RERGL: variants seen among roughly 807,000 people sequenced by gnomAD.
RERGL encodes the protein RERG like.
RERGL carries 22 observed loss-of-function variants against 24.7 expected under a neutral mutation model. That is an observed-to-expected ratio of 0.89 (90% CI 0.64 to 1.27). The LOEUF (loss-of-function observed/expected upper bound fraction) is 1.27, where lower values mean the gene tolerates loss of function less well. Ranked by LOEUF, RERGL falls within the 50% of genes most tolerant of loss-of-function variation. The pLI, the probability that RERGL is intolerant of heterozygous loss-of-function variation, is 0.00. For synonymous variants in RERGL, 76 were observed against 82.6 expected (o/e 0.92, Z 0.43); for missense variants, 259 against 235.3 (o/e 1.10, Z -0.66).
chr12:18,086,270 C>T (rs1160384593), intron 2 of RERGL, among the ~76,000 whole-genome samples: 2 of 152,052 alleles, frequency 1.3e-5, no homozygotes, highest in African/African-American at 4.8e-5. Context: ...GTGGATGGAA[C>T]ATCTGTGTTT....
intron 4 of RERGL, among the ~76,000 whole-genome samples, chr12:18,082,885 T>A (rs1947186803): frequency 6.6e-6 from 1 of 152,178 alleles, no homozygotes; most frequent in Admixed American, 6.5e-5. Context: ...TATCAGTATG[T>A]CTTCCTTGGT....
At position 18,081,051 on chromosome 12, in the gene RERGL, C is replaced by CT. The variant is rs1327991565; in HGVS notation, c.*139dup. ...GCAAACTACATATTTGAAAACACAG[C>CT]TGTGGTTCATACTCAATCATTTCAT... On this transcript the variant is annotated 3_prime_UTR_variant, in exon 5 of 5. Coordinates refer to ENST00000538724, the MANE Select transcript of RERGL (RefSeq NM_001286201.2). 1.4e-6 allele frequency: 1 copy of CT among 740,278 alleles called. No homozygotes were observed. The highest frequency in any genetic ancestry group is 2.1e-6 in the Non-Finnish European group (1 of 472,454). 45.9% of individuals were successfully genotyped at this position (740,278 alleles called of 1,614,324 possible).
Position 18,081,530 on chromosome 12 carries a change from A to T in RERGL, c.333-57T>A, listed in dbSNP as rs867675830. The T allele has an allele frequency of 4.3e-3, 4,943 of 1,140,074 alleles. 74 individuals are homozygous for T. In the African/African-American group the frequency reaches 0.067, roughly 15 times the overall value. 70.6% of individuals were successfully genotyped at this position (1,140,074 alleles called of 1,614,324 possible). A position where few individuals can be genotyped will look rare whatever the true frequency, so the allele number is the denominator to read the frequency against. ...TTGTTTTAACAACTCTTTTTTTTAA[A>T]AAAAAAAAAAAAACAGATTTATAAC... is the stretch of plus-strand genomic sequence containing the variant. On this transcript the variant is annotated intron_variant, in intron 4 of 4. Coordinates refer to ENST00000538724, the MANE Select transcript of RERGL (RefSeq NM_001286201.2).
At chr12:18,089,390 A>G (rs17469894) in intron 1 of RERGL, 87,902 of 1,352,194 alleles carry the variant, frequency 0.065, 3,262 homozygotes, top group Non-Finnish European at 0.074. Flanking sequence ...AGGGACCTAC[A>G]AATCCAGGAA....
At position 18,080,977 on chromosome 12, in the gene RERGL, T is replaced by G; in HGVS notation, c.*214A>C. 1 of 421,898 alleles carries G rather than the reference T, an allele frequency of 2.4e-6. No individual in the cohort carries two copies. The highest frequency in any genetic ancestry group is 3.5e-5 in the East Asian group (1 of 28,918). 26.1% of individuals were successfully genotyped at this position (421,898 alleles called of 1,614,324 possible). The stretch of plus-strand genomic sequence containing the variant: ...GGTGAGTGTGATGTTGTACAATAAA[T>G]GAAAGGTTCTGTGTGAAGGAGAGTG... On this transcript the variant is annotated 3_prime_UTR_variant, in exon 5 of 5. Coordinates refer to ENST00000538724, the MANE Select transcript of RERGL (RefSeq NM_001286201.2).
intron 4 of RERGL, among the ~76,000 whole-genome samples, chr12:18,081,919 T>A (rs868253962): frequency 6.6e-6 from 1 of 152,114 alleles, no homozygotes; most frequent in Non-Finnish European, 1.5e-5. Context: ...GGCGGGCAGA[T>A]CATGAGGTCA....
Position 18,084,554 on chromosome 12 carries a change from AG to A in RERGL, c.294del (p.Tyr99ThrfsTer64). ...RSSFAFAKAL[I>X]YRIREPQTSH... ...CTAGTTTGTGGCTCCCGGATTCTGT[AG>A]ATCAGCGCTTTTGCAAAAGCAAATG... On this transcript the variant is annotated frameshift_variant, in exon 4 of 5. Transcript: ENST00000538724. LOFTEE classifies it high-confidence loss of function. 1 of 1,610,316 alleles carries A rather than the reference AG, an allele frequency of 6.2e-7. No individual in the cohort carries two copies. The highest frequency in any genetic ancestry group is 8.5e-7 in the Non-Finnish European group (1 of 1,178,526).
chr12:18,087,554 G>T (rs1259498022), intron 2 of RERGL, among the ~76,000 whole-genome samples: 2 of 151,994 alleles, frequency 1.3e-5, no homozygotes, highest in East Asian at 1.9e-4. Flanking sequence ...AGTCATTTTT[G>T]CTAGTTTGCC....
chr12:18,085,706 G>T lies in RERGL; in HGVS notation c.110-13C>A. 2 of 1,469,044 alleles carry T rather than the reference G, an allele frequency of 1.4e-6. No individual in the cohort carries two copies. The highest frequency in any genetic ancestry group is 1.7e-4 in the Middle Eastern group (1 of 5,742). The allele number at this position is 1,469,044 out of a possible 1,614,324, so 91.0% of individuals were successfully genotyped here. A position where few individuals can be genotyped will look rare whatever the true frequency, so the allele number is the denominator to read the frequency against. ...TTATAGATAGATTCTGCAAAAATATGCATATCCACTGTCAGTATGAAAATA... is the reference window on the plus strand; with the variant it reads ...TTATAGATAGATTCTGCAAAAATATTCATATCCACTGTCAGTATGAAAATA... On this transcript the variant is annotated splice_polypyrimidine_tract_variant and intron_variant, in intron 2 of 4. Transcript: ENST00000538724.
At chr12:18,082,439 A>G (rs1947183266) in intron 4 of RERGL, among the ~76,000 whole-genome samples, 1 of 152,168 alleles carries the variant, frequency 6.6e-6, no homozygotes, top group East Asian at 1.9e-4. Flanking sequence ...TCCATGACAC[A>G]CGTTTACTTG....
chr12:18,081,226 T>C lies in RERGL; in HGVS notation c.580A>G (p.Asn194Asp), dbSNP rs1271453252. 19 of 1,608,406 alleles carry C rather than the reference T, an allele frequency of 1.2e-5. No homozygotes were observed. The highest frequency in any genetic ancestry group is 1.6e-5 in the Non-Finnish European group (19 of 1,177,980). ...SGSKSMAKLI[N>D]NVFGKRRKSV ...TTCCTTCTCTTTCCAAATACATTATTGATCAATTTGGCCATTGATTTAGAT... is the reference window on the plus strand; with the variant it reads ...TTCCTTCTCTTTCCAAATACATTATCGATCAATTTGGCCATTGATTTAGAT... The change falls in exon 5 of 5, where the codon AAT becomes GAT. Residue 194 changes from asparagine to aspartate, a missense_variant. Asn to Asp is a conservative substitution (Grantham distance 23, BLOSUM62 1). Transcript: ENST00000538724.
chr12:18,080,967 G>A lies in RERGL; in HGVS notation c.*224C>T. On this transcript the variant is annotated 3_prime_UTR_variant, in exon 5 of 5. Transcript: ENST00000538724. ...AGTAGGTTAGGGTGAGTGTGATGTT[G>A]TACAATAAATGAAAGGTTCTGTGTG... is the stretch of plus-strand genomic sequence containing the variant. 1 of 401,300 alleles carries A rather than the reference G, an allele frequency of 2.5e-6. No individual in the cohort carries two copies. Among genetic ancestry groups the A allele is most frequent in the African/African-American group, 2.0e-5 (1 of 50,500 alleles). 24.9% of individuals were successfully genotyped at this position (401,300 alleles called of 1,614,324 possible).
At chr12:18,086,087 A>C (rs1947219647) in intron 2 of RERGL, among the ~76,000 whole-genome samples, 1 of 143,222 alleles carries the variant, frequency 7.0e-6, no homozygotes. Context: ...GTTAGCCAGG[A>C]TGGTCTCAAT....
intron 3 of RERGL, among the ~76,000 whole-genome samples, chr12:18,085,133 T>C (rs1947207563): frequency 6.6e-6 from 1 of 152,196 alleles, no homozygotes; most frequent in South Asian, 2.1e-4. Context: ...CTCATACAGT[T>C]GTTTTGAAAC....
At chr12:18,085,786 T>C (rs1947213665) in intron 2 of RERGL, 93 bp from the exon 3 acceptor site, 2 of 683,804 alleles carry the variant, frequency 2.9e-6, no homozygotes, top group Admixed American at 2.8e-5. Flanking sequence ...AATCGTATTG[T>C]GCTCTTTTTA....
Position 18,081,425 on chromosome 12 carries a change from A to G in RERGL, c.381T>C (p.Cys127=). ...VFLVGNKRDL[C]HVREVGWEEG... ...CTTCCCAGCCAACCTCTCGCACATG[A>G]CAAAGATCTCGTTTGTTGCCAACCA... Residue 127 remains cysteine, a synonymous_variant, in exon 5 of 5, where the codon TGT becomes TGC. Transcript: ENST00000538724. 1 of 1,613,834 alleles carries G rather than the reference A, an allele frequency of 6.2e-7. No homozygotes were observed. The highest frequency in any genetic ancestry group is 8.5e-7 in the Non-Finnish European group (1 of 1,179,902).
rs139048829 is a variant in RERGL at position 18,084,977 on chromosome 12, T to G, written c.184-312A>C. ...GTCTTTTGAATAATATCCACATATTTGTTGTGAAAATATATCATTTATCTG... is the reference window on the plus strand; with the variant it reads ...GTCTTTTGAATAATATCCACATATTGGTTGTGAAAATATATCATTTATCTG... On this transcript the variant is annotated intron_variant, in intron 3 of 4. Transcript: ENST00000538724. Among the ~76,000 whole-genome samples the G allele has an allele frequency of 5.7e-3, 821 of 143,668 alleles. 25 individuals are homozygous for G. The highest frequency in any genetic ancestry group is 7.3e-3 in the East Asian group (34 of 4,644). The allele number at this position is 143,668 out of a possible 152,430, so 94.3% of individuals were successfully genotyped here. A position where few individuals can be genotyped will look rare whatever the true frequency, so the allele number is the denominator to read the frequency against.
chr12:18,089,953 C>T, intron 1 of RERGL, 136 bp downstream of exon 1: 1 of 574,678 alleles, frequency 1.7e-6, no homozygotes, highest in Non-Finnish European at 2.7e-6. Flanking sequence ...TGCCTATCAT[C>T]CCAGTGAGAT....
rs1947210615 is a variant in RERGL, at chr12:18,085,513, C to T, written c.183+107G>A. On this transcript the variant is annotated intron_variant, in intron 3 of 4. Coordinates refer to ENST00000538724, the MANE Select transcript of RERGL (RefSeq NM_001286201.2). ...TGAGAAGAAACTTCGGTTTTAACAC[C>T]GCAACTTTTCACTTTTTTCACTTAC... The T allele has an allele frequency of 1.2e-5, 9 of 727,688 alleles. No individual in the cohort carries two copies. The East Asian group carries it at 1.8e-4, about 14-fold the overall frequency. The allele number at this position is 727,688 out of a possible 1,614,324, so 45.1% of individuals were successfully genotyped here.
Sources: allele counts gnomAD v4.1 joint callset (sites outside exome capture counted in the v4.1 genomes callset), GRCh38; gene constraint gnomAD v4.1.1; transcripts MANE v1.5; gene names NCBI Gene and HGNC (gene_info 2026-07-23, HGNC 2026-07-21).